Variants in SPESP1 observed in about 807,000 individuals in gnomAD.
The protein encoded by SPESP1 is sperm equatorial segment protein 1.
Under a neutral mutation model 3.1 loss-of-function variants are expected in SPESP1, and 1 was observed. That is an observed-to-expected ratio of 0.33 (90% CI 0.12 to 1.54). SPESP1 has a LOEUF of 1.54. SPESP1 is among the 40% of genes most tolerant of loss of function. The probability of loss-of-function intolerance (pLI) is 0.38; values close to 1 mark genes in which losing one functional copy is unlikely to be tolerated. For synonymous variants in SPESP1, 138 were observed against 150.7 expected (o/e 0.92, Z 0.62); for missense variants, 398 against 410.1 (o/e 0.97, Z 0.26).
chr15:68,946,600 A>C lies in SPESP1; in HGVS notation c.*13A>C, dbSNP rs1370256665. 4 of 1,426,250 alleles carry C rather than the reference A, an allele frequency of 2.8e-6. No homozygotes were observed. Among genetic ancestry groups the C allele is most frequent in the Non-Finnish European group, 3.7e-6 (4 of 1,092,858 alleles). 88.3% of individuals were successfully genotyped at this position (1,426,250 alleles called of 1,614,324 possible). On this transcript the variant is annotated 3_prime_UTR_variant, in exon 2 of 2. Transcript: ENST00000310673. ...AAAAGTTTATTAAACAATAATATAA[A>C]AATTTTAAACCTACTTGATATTCCA...
Position 68,945,792 on chromosome 15 carries a change from G to C in SPESP1, c.258G>C (p.Glu86Asp). The change falls in exon 2 of 2, where the codon GAG becomes GAC. Residue 86 changes from glutamate (E) to aspartate (D), a missense_variant. Transcript: ENST00000310673. Reference sequence around the variant, plus strand: ...TTACACATGGAGACGCTTCAACTGAGAATGATGTTTTAACCAATCCTATCA... The same window carrying C: ...TTACACATGGAGACGCTTCAACTGACAATGATGTTTTAACCAATCCTATCA... ...ELVTHGDAST[E>D]NDVLTNPISE... 1.2e-6 allele frequency: 2 copies of C among 1,613,850 alleles called. No homozygotes were observed. Among genetic ancestry groups the C allele is most frequent in the Non-Finnish European group, 1.7e-6 (2 of 1,179,956 alleles).
At chr15:68,941,529 G>T (rs1895823436) in intron 1 of SPESP1, among the ~76,000 whole-genome samples, 1 of 152,082 alleles carries the variant, frequency 6.6e-6, no homozygotes, top group African/African-American at 2.4e-5. Flanking sequence ...GTTTCTGGTG[G>T]CTGCCTACAT....
intron 1 of SPESP1, among the ~76,000 whole-genome samples, chr15:68,932,593 T>C (rs1302832567): frequency 1.3e-5 from 2 of 152,158 alleles, no homozygotes; most frequent in Non-Finnish European, 2.9e-5. Flanking sequence ...GGTTTCACCA[T>C]GTTGGCCAGG....
chr15:68,932,749 G>C (rs1186390425), intron 1 of SPESP1, among the ~76,000 whole-genome samples: 1 of 152,118 alleles, frequency 6.6e-6, no homozygotes, highest in Non-Finnish European at 1.5e-5. Flanking sequence ...GAAAGAAAAG[G>C]GTTGTAGGAA....
rs1895949970 is a variant in SPESP1 at position 68,945,944 on chromosome 15, A to G, written c.410A>G (p.Glu137Gly). ...GTTTCCATTGTTTTGCATGCAGAGG[A>G]ACCTTATATTGAAAATGAAGAGCCA... is the stretch of plus-strand genomic sequence containing the variant. ...NNVSIVLHAE[E>G]PYIENEEPEP... Residue 137 changes from glutamate to glycine, a missense_variant, in exon 2 of 2, where the codon GAA becomes GGA. Glu to Gly is a moderately conservative substitution (Grantham distance 98). Coordinates refer to ENST00000310673, the MANE Select transcript of SPESP1 (RefSeq NM_145658.4). 1.2e-6 allele frequency: 2 copies of G among 1,614,008 alleles called. No individual in the cohort carries two copies. Among genetic ancestry groups the G allele is most frequent in the Admixed American group, 1.7e-5 (1 of 60,004 alleles).
intron 1 of SPESP1, among the ~76,000 whole-genome samples, chr15:68,931,564 G>A (rs1895541398): frequency 6.6e-6 from 1 of 152,172 alleles, no homozygotes; most frequent in Non-Finnish European, 1.5e-5. Context: ...GTCGCGGTCT[G>A]GGACACTCAC....
intron 1 of SPESP1, among the ~76,000 whole-genome samples, chr15:68,937,826 A>T (rs528939552): frequency 6.6e-6 from 1 of 152,164 alleles, no homozygotes; most frequent in Non-Finnish European, 1.5e-5. Flanking sequence ...TAATTTGCAT[A>T]TCTTTTATGA....
chr15:68,943,333 T>C (rs879297765), intron 1 of SPESP1, among the ~76,000 whole-genome samples: 3 of 152,212 alleles, frequency 2.0e-5, no homozygotes, highest in Non-Finnish European at 4.4e-5. Context: ...TATGCTTTCT[T>C]TTTCACTTAT....
In SPESP1 at chr15:68,935,044, A is replaced by G. The variant is rs75095635; in HGVS notation, c.64+4327A>G. 2.8e-3 allele frequency among the ~76,000 whole-genome samples: 419 copies of G among 152,328 alleles called. 12 individuals carry two copies. In the East Asian group the frequency reaches 0.065, roughly 23 times the overall value. ...CTGTCTTTCCAAGGGGATGGAGAAC[A>G]TGGTATGAGAGACCAAAGTGCCTGC... On this transcript the variant is annotated intron_variant, in intron 1 of 1. Transcript: ENST00000310673.
Position 68,946,128 on chromosome 15 carries a change from TG to T in SPESP1, c.595del (p.Val199PhefsTer10), listed in dbSNP as rs1347979673. ...TTGGGATCTCTACAGAATCAGAAGA[TG>T]TTCCTCAGCTCTCAGGTGAAACTGC... The part of the protein sequence containing the change: ...GIGISTESED[V>X]PQLSGETAIE... On this transcript the variant is annotated frameshift_variant, in exon 2 of 2. Transcript: ENST00000310673. LOFTEE classifies it low-confidence loss of function (END_TRUNC). 1 of 1,614,176 alleles carries T rather than the reference TG, an allele frequency of 6.2e-7. No individual in the cohort carries two copies.
rs1189713272 is a variant in SPESP1 at position 68,946,058 on chromosome 15, C to G, written c.524C>G (p.Thr175Ser). 6.2e-7 allele frequency: 1 copy of G among 1,614,102 alleles called. No individual in the cohort carries two copies. Among genetic ancestry groups the G allele is most frequent in the Admixed American group, 1.7e-5 (1 of 60,018 alleles). ...GAATCATCTACAAGTCCATATGTTA[C>G]CTCATACAAGTCACCTGTCACCACT... ...VTESSTSPYV[T>S]SYKSPVTTLD... Residue 175 changes from threonine (T) to serine (S), a missense_variant, in exon 2 of 2, where the codon ACC becomes AGC. Transcript: ENST00000310673.
intron 1 of SPESP1, among the ~76,000 whole-genome samples, chr15:68,935,819 A>G (rs891338391): frequency 6.6e-5 from 10 of 152,258 alleles, no homozygotes; most frequent in Non-Finnish European, 1.2e-4. Context: ...ATTTCCTTTT[A>G]TGACCATTCC....
intron 1 of SPESP1, among the ~76,000 whole-genome samples, chr15:68,940,169 T>A (rs999481096): frequency 6.6e-6 from 1 of 152,176 alleles, no homozygotes; most frequent in Non-Finnish European, 1.5e-5. Flanking sequence ...TTTGGTTACA[T>A]GGGTAAGTTC....
intron 1 of SPESP1, among the ~76,000 whole-genome samples, chr15:68,942,104 G>A (rs1197414664): frequency 1.3e-5 from 2 of 151,968 alleles, no homozygotes. Context: ...GATTACAGGT[G>A]TGAATCACTG....
intron 1 of SPESP1, among the ~76,000 whole-genome samples, chr15:68,931,915 C>T (rs1439063438): frequency 6.6e-6 from 1 of 152,072 alleles, no homozygotes; most frequent in Non-Finnish European, 1.5e-5. Flanking sequence ...GCTGATTATG[C>T]AAATCTATTT....
Position 68,930,526 on chromosome 15 carries a change from T to C in SPESP1, c.-128T>C, listed in dbSNP as rs1014232723. On this transcript the variant is annotated 5_prime_UTR_variant, in exon 1 of 2. Transcript: ENST00000310673. Reference sequence around the variant, plus strand: ...TGCGCTTGCGCGCTGGGGACAACCGTTGCTGGGTGTCCCAGGGCCTGAGGC... The same window carrying C: ...TGCGCTTGCGCGCTGGGGACAACCGCTGCTGGGTGTCCCAGGGCCTGAGGC... The C allele has an allele frequency of 3.8e-5, 48 of 1,262,030 alleles. No individual in the cohort carries two copies. Among genetic ancestry groups the C allele is most frequent in the Non-Finnish European group, 5.6e-6 (5 of 899,298 alleles). The allele number at this position is 1,262,030 out of a possible 1,614,324, so 78.2% of individuals were successfully genotyped here. A position where few individuals can be genotyped will look rare whatever the true frequency, so the allele number is the denominator to read the frequency against.
intron 1 of SPESP1, 44 bp downstream of exon 1, chr15:68,930,761 G>T: frequency 6.2e-7 from 1 of 1,612,928 alleles, no homozygotes; most frequent in Non-Finnish European, 8.5e-7. Context: ...GGACACCCTG[G>T]GGGAACTTCC....
At position 68,945,821 on chromosome 15, in the gene SPESP1, A is replaced by G; in HGVS notation, c.287A>G (p.Glu96Gly). The G allele has an allele frequency of 6.2e-7, 1 of 1,614,114 alleles. No homozygotes were observed. Among genetic ancestry groups the G allele is most frequent in the Non-Finnish European group, 8.5e-7 (1 of 1,180,012 alleles). ...ENDVLTNPIS[E>G]ETTTFPTGGF... The stretch of plus-strand genomic sequence containing the variant: ...GATGTTTTAACCAATCCTATCAGTG[A>G]AGAAACTACAACTTTCCCTACAGGA... Residue 96 changes from glutamate to glycine, a missense_variant, in exon 2 of 2, where the codon GAA becomes GGA. Physicochemically the swap from Glu to Gly is moderately conservative, Grantham distance 98. Coordinates refer to ENST00000310673, the MANE Select transcript of SPESP1 (RefSeq NM_145658.4).
Position 68,934,491 on chromosome 15 carries a change from G to T in SPESP1, c.64+3774G>T, listed in dbSNP as rs992581992. ...GGTCTCTCAAACCTGTGAATAAACT[G>T]TCATGACACACTTTGTTAATGTTTG... is the stretch of plus-strand genomic sequence containing the variant. On this transcript the variant is annotated intron_variant, in intron 1 of 1. Coordinates refer to ENST00000310673, the MANE Select transcript of SPESP1 (RefSeq NM_145658.4). 3.3e-5 allele frequency among the ~76,000 whole-genome samples: 5 copies of T among 152,304 alleles called. No homozygotes were observed. In the South Asian group the frequency reaches 1.0e-3, roughly 32 times the overall value.
Sources: gnomAD v4.1 joint callset for allele counts (sites outside exome capture counted in the v4.1 genomes callset) on GRCh38, gnomAD v4.1.1 for gene constraint, MANE v1.5 for transcripts, NCBI Gene and HGNC (gene_info 2026-07-23, HGNC 2026-07-21) for gene names.